ZNF609: variants seen among roughly 807,000 people sequenced by gnomAD.
ZNF609 encodes zinc finger protein 609.
ZNF609 carries 11 observed loss-of-function variants against 109.5 expected under a neutral mutation model. The observed-to-expected ratio is 0.10, with a 90% confidence interval of 0.06 to 0.17. The LOEUF is 0.17. ZNF609 is among the 10% of genes least tolerant of loss of function. The pLI is 1.00. For synonymous variants in ZNF609, 646 were observed against 662.0 expected, an observed-to-expected ratio of 0.98 and a Z score of 0.37; for missense variants, 1,559 against 1,772.4, an observed-to-expected ratio of 0.88 and a Z score of 2.16.
At chr15:64,596,387 C>G (rs760504772) in intron 2 of ZNF609, among the ~76,000 whole-genome samples, 1 of 152,140 alleles carries the variant, frequency 6.6e-6, no homozygotes, top group Non-Finnish European at 1.5e-5. Flanking sequence ...AACTCCTGAC[C>G]TTGTGATCTG....
At chr15:64,621,800 A>C (rs371681131) in intron 2 of ZNF609, among the ~76,000 whole-genome samples, 25 of 145,472 alleles carry the variant, frequency 1.7e-4, no homozygotes, top group African/African-American at 6.4e-4. Flanking sequence ...ATCTCAGCTC[A>C]CTGCAACCTC....
intron 1 of ZNF609, among the ~76,000 whole-genome samples, chr15:64,487,655 C>T (rs574139369): frequency 1.3e-5 from 2 of 150,936 alleles, no homozygotes; most frequent in Non-Finnish European, 2.9e-5. Flanking sequence ...TTTTTTGAGA[C>T]GGAGTCTTGC....
intron 1 of ZNF609, 32 bp from the exon 2 acceptor site, chr15:64,499,261 T>C (rs1893523894): frequency 1.0e-6 from 1 of 974,090 alleles, no homozygotes; most frequent in Admixed American, 3.0e-5. Flanking sequence ...GTATTGTTTC[T>C]TTTAACAGCT....
chr15:64,571,059 A>G (rs1894852262), intron 2 of ZNF609, among the ~76,000 whole-genome samples: 1 of 152,186 alleles, frequency 6.6e-6, no homozygotes, highest in African/African-American at 2.4e-5. Flanking sequence ...ATCTATATGG[A>G]CAGTCATATC....
intron 2 of ZNF609, among the ~76,000 whole-genome samples, chr15:64,559,264 G>A (rs1894640548): frequency 6.6e-6 from 1 of 152,050 alleles, no homozygotes; most frequent in Non-Finnish European, 1.5e-5. Context: ...AGAATCAAGA[G>A]GTGATAGTAG....
intron 2 of ZNF609, among the ~76,000 whole-genome samples, chr15:64,563,176 A>C (rs552113936): frequency 2.6e-4 from 40 of 151,694 alleles, no homozygotes; most frequent in Middle Eastern, 3.4e-3. Flanking sequence ...TAGTCTGGGC[A>C]TGGTGGCTCA....
intron 3 of ZNF609, among the ~76,000 whole-genome samples, chr15:64,624,470 T>A (rs1024822911): frequency 2.0e-5 from 3 of 152,152 alleles, no homozygotes; most frequent in Admixed American, 6.6e-5. Flanking sequence ...ATATTGAAGA[T>A]AGAATAAATC....
intron 3 of ZNF609, among the ~76,000 whole-genome samples, chr15:64,646,284 A>G (rs1357868861): frequency 1.3e-5 from 2 of 152,120 alleles, no homozygotes; most frequent in African/African-American, 4.8e-5. Context: ...ACTTGAGCCC[A>G]GGAATTCAAG....
intron 2 of ZNF609, among the ~76,000 whole-genome samples, chr15:64,597,863 C>A (rs755356492): frequency 3.3e-5 from 5 of 152,154 alleles, no homozygotes; most frequent in Non-Finnish European, 7.4e-5. Flanking sequence ...CTGCCTCCCC[C>A]ATCTACTTAT....
intron 2 of ZNF609, among the ~76,000 whole-genome samples, chr15:64,531,397 CATT>C (rs199784450): frequency 4.0e-5 from 6 of 151,864 alleles, no homozygotes; most frequent in African/African-American, 1.4e-4. Context: ...TTATTCCAGA[CATT>C]ATTATTATTA....
chr15:64,475,265 AT>A (rs1257003267), intron 1 of ZNF609, among the ~76,000 whole-genome samples: 1 of 151,486 alleles, frequency 6.6e-6, no homozygotes, highest in Non-Finnish European at 1.5e-5. Context: ...TAGCAAAAAA[AT>A]TTCCTTCCTG....
intron 2 of ZNF609, among the ~76,000 whole-genome samples, chr15:64,605,209 C>CAG (rs1895574731): frequency 6.6e-6 from 1 of 152,142 alleles, no homozygotes; most frequent in Non-Finnish European, 1.5e-5. Flanking sequence ...TTTTATTAGT[C>CAG]CTTCTAGCTT....
At chr15:64,529,406 AC>A in intron 2 of ZNF609, 1 of 758,800 alleles carries the variant, frequency 1.3e-6, no homozygotes. Flanking sequence ...CGCCAGCATC[AC>A]CCCATTTGAT....
rs148104351 is a variant in ZNF609, at chr15:64,675,303, A to G, written c.2449A>G (p.Thr817Ala). 2.7e-4 allele frequency: 440 copies of G among 1,613,852 alleles called. No homozygotes were observed. Among genetic ancestry groups the G allele is most frequent in the Non-Finnish European group, 2.8e-4 (334 of 1,179,972 alleles). ...AGGCAGTAGCCGCCTTGAAAACACTACCCCTACTCAGCCCCTGACTCCCTT... is the reference window on the plus strand; with the variant it reads ...AGGCAGTAGCCGCCTTGAAAACACTGCCCCTACTCAGCCCCTGACTCCCTT... ...IGGSSRLENT[T>A]PTQPLTPLHV... Residue 817 changes from threonine (T) to alanine (A), a missense_variant, in exon 5 of 10, where the codon ACC becomes GCC. Coordinates refer to ENST00000326648, the MANE Select transcript of ZNF609 (RefSeq NM_015042.2).
At chr15:64,641,236 A>G (rs2414851) in intron 3 of ZNF609, among the ~76,000 whole-genome samples, 85,113 of 100,138 alleles carry the variant, frequency 0.85, 35,650 homozygotes, top group East Asian at 0.96. Context: ...TTTTTTTTTG[A>G]GATGGAGTTT....
intron 3 of ZNF609, among the ~76,000 whole-genome samples, chr15:64,644,981 T>TTCTTTCTTTC (rs67157103): frequency 0.011 from 1,500 of 139,602 alleles, 13 homozygotes; most frequent in African/African-American, 0.021. Context: ...CTTTCTTTCT[T>TTCTTTCTTTC]TTTCTTTCTT....
chr15:64,474,525 G>C (rs1171631051), intron 1 of ZNF609, among the ~76,000 whole-genome samples: 1 of 152,102 alleles, frequency 6.6e-6, no homozygotes, highest in Non-Finnish European at 1.5e-5. Context: ...ATCTGACCTA[G>C]TTCAGGTCTT....
At chr15:64,586,634 C>T (rs116647868) in intron 2 of ZNF609, among the ~76,000 whole-genome samples, 1 of 152,028 alleles carries the variant, frequency 6.6e-6, no homozygotes, top group South Asian at 2.1e-4. Context: ...TAGCCCTGAA[C>T]CATCCCCCGT....
intron 3 of ZNF609, among the ~76,000 whole-genome samples, chr15:64,632,212 C>G (rs547368741): frequency 6.6e-6 from 1 of 152,046 alleles, no homozygotes; most frequent in African/African-American, 2.4e-5. Context: ...GTCACCATGC[C>G]TGGGTAGTTA....
Sources: gnomAD v4.1 joint callset for allele counts (sites outside exome capture counted in the v4.1 genomes callset) on GRCh38, gnomAD v4.1.1 for gene constraint, MANE v1.5 for transcripts, NCBI Gene and HGNC (gene_info 2026-07-23, HGNC 2026-07-21) for gene names.